The following ADGRG6 variants were observed in gnomAD, a reference collection of about 807,000 sequenced individuals.
ADGRG6 encodes adhesion G protein-coupled receptor G6.
A neutral mutation model predicts 142.4 loss-of-function variants in ADGRG6; 84 were observed. The observed-to-expected ratio is 0.59, with a 90% CI of 0.49 to 0.71. The LOEUF (loss-of-function observed/expected upper bound fraction) is 0.71. Among genes scored for constraint, ADGRG6 ranks in the 30% least tolerant of loss-of-function variants. ADGRG6 has a pLI of 0.00. For synonymous variants in ADGRG6, 521 were observed against 520.5 expected, an observed-to-expected ratio of 1.00 and a Z score of -0.01; for missense variants, 1,367 against 1,466.6, an observed-to-expected ratio of 0.93 and a Z score of 1.11.
chr6:142,426,404 G>A (rs1171160402), intron 22 of ADGRG6, among the ~76,000 whole-genome samples: 6 of 152,156 alleles, frequency 3.9e-5, no homozygotes, highest in African/African-American at 1.4e-4. Context: ...CATCTCCTTC[G>A]ACTCCATATC....
In ADGRG6 at chr6:142,369,008, C is replaced by T. The variant is rs544014317; in HGVS notation, c.445+1098C>T. ...CCTATAAACTGCCTTATATTTAAAA[C>T]GTAAACTAAAGTCCATGATTCCTTT... is the stretch of plus-strand genomic sequence containing the variant. On this transcript the variant is annotated intron_variant, in intron 3 of 24. Coordinates refer to ENST00000367609, the MANE Select transcript of ADGRG6 (RefSeq NM_198569.3). Among the ~76,000 whole-genome samples the T allele has an allele frequency of 1.4e-4, 21 of 152,156 alleles. No individual in the cohort carries two copies. The South Asian group carries it at 2.9e-3, about 21-fold the overall frequency.
chr6:142,397,827 G>C, intron 10 of ADGRG6, 72 bp downstream of exon 10: 2 of 974,368 alleles, frequency 2.1e-6, no homozygotes, highest in Non-Finnish European at 2.9e-6. Context: ...AACAACAGCA[G>C]AAATTTTCTT....
At chr6:142,399,275 G>C (rs1033057816) in intron 10 of ADGRG6, among the ~76,000 whole-genome samples, 1 of 152,172 alleles carries the variant, frequency 6.6e-6, no homozygotes, top group Non-Finnish European at 1.5e-5. Context: ...CTCCACTTCT[G>C]TGAGGAGCCA....
At chr6:142,306,738 T>G (rs895806962) in intron 1 of ADGRG6, among the ~76,000 whole-genome samples, 9 of 152,160 alleles carry the variant, frequency 5.9e-5, no homozygotes, top group Non-Finnish European at 1.5e-5. Flanking sequence ...GTAACCCTGT[T>G]CAGGATTTTC....
intron 22 of ADGRG6, among the ~76,000 whole-genome samples, chr6:142,430,090 G>C (rs936886389): frequency 3.3e-5 from 5 of 152,040 alleles, no homozygotes; most frequent in Admixed American, 3.3e-4. Context: ...AAACCTGCCA[G>C]AGTATGTTAT....
rs748484928 is a variant in ADGRG6 at position 142,402,763 on chromosome 6, A to G, written c.1888A>G (p.Thr630Ala). 2.7e-5 allele frequency: 44 copies of G among 1,601,320 alleles called. No individual in the cohort carries two copies. In the East Asian group the frequency reaches 6.5e-4, roughly 24 times the overall value. Reference sequence around the variant, plus strand: ...AAACATTGATATAACACTTGGCTCAACTCTAATGAATATATTTTCTAATAT... The same window carrying G: ...AAACATTGATATAACACTTGGCTCAGCTCTAATGAATATATTTTCTAATAT... Reference protein sequence around the residue: ...EENIDITLGSTLMNIFSNILS... With the variant: ...EENIDITLGSALMNIFSNILS... The change falls in exon 13 of 25, where the codon ACT (threonine) becomes GCT (alanine). Residue 630 changes from threonine (T) to alanine (A), a missense_variant. Around this residue, in one of 3 missense-constraint regions of ADGRG6, gnomAD observed 737 missense variants for 746.5 expected, o/e 0.99. Coordinates refer to ENST00000367609, the MANE Select transcript of ADGRG6 (RefSeq NM_198569.3).
intron 22 of ADGRG6, among the ~76,000 whole-genome samples, chr6:142,426,189 C>T (rs1377178939): frequency 4.6e-5 from 7 of 152,122 alleles, no homozygotes; most frequent in African/African-American, 7.2e-5. Flanking sequence ...CACAGTCCTA[C>T]GTCTCATCTG....
intron 2 of ADGRG6, among the ~76,000 whole-genome samples, chr6:142,364,489 T>A (rs1780860281): frequency 6.6e-6 from 1 of 152,184 alleles, no homozygotes; most frequent in East Asian, 1.9e-4. Context: ...TTTAAGGCAC[T>A]AATTTTGTGT....
intron 22 of ADGRG6, among the ~76,000 whole-genome samples, chr6:142,420,517 T>A (rs1278679666): frequency 6.6e-6 from 1 of 152,164 alleles, no homozygotes; most frequent in East Asian, 1.9e-4. Flanking sequence ...AGATTTACCG[T>A]TGATGGCCAG....
chr6:142,302,069 C>T lies in ADGRG6; in HGVS notation c.-261C>T. Reference sequence around the variant, plus strand: ...TCCTCAGCTTCTCGCCCTCACCCTGCCAACTTCCCTGCGAGGAGGGACCTG... The same window carrying T: ...TCCTCAGCTTCTCGCCCTCACCCTGTCAACTTCCCTGCGAGGAGGGACCTG... On this transcript the variant is annotated 5_prime_UTR_variant, in exon 1 of 25. Coordinates refer to ENST00000367609, the MANE Select transcript of ADGRG6 (RefSeq NM_198569.3). The T allele has an allele frequency of 1.9e-6, 1 of 538,390 alleles. No individual in the cohort carries two copies. Among genetic ancestry groups the T allele is most frequent in the Non-Finnish European group, 3.3e-6 (1 of 306,948 alleles). The allele number at this position is 538,390 out of a possible 1,614,324, so 33.4% of individuals were successfully genotyped here.
intron 2 of ADGRG6, among the ~76,000 whole-genome samples, chr6:142,355,175 T>C (rs1048709524): frequency 6.6e-6 from 1 of 152,180 alleles, no homozygotes; most frequent in South Asian, 2.1e-4. Context: ...AAACTTTGTA[T>C]TTATATTGAA....
chr6:142,310,403 G>A (rs909898130), intron 2 of ADGRG6, among the ~76,000 whole-genome samples: 4 of 151,660 alleles, frequency 2.6e-5, no homozygotes, highest in African/African-American at 9.6e-5. Flanking sequence ...CCTGGTGTAT[G>A]TATTAGGCTT....
chr6:142,315,294 T>C (rs533727303), intron 2 of ADGRG6, among the ~76,000 whole-genome samples: 97 of 152,234 alleles, frequency 6.4e-4, no homozygotes, highest in Admixed American at 1.4e-3. Context: ...TCTTTGGCAC[T>C]GTTCTTACTA....
At chr6:142,355,965 C>A (rs763520759) in intron 2 of ADGRG6, among the ~76,000 whole-genome samples, 2 of 152,184 alleles carry the variant, frequency 1.3e-5, no homozygotes, top group Non-Finnish European at 2.9e-5. Flanking sequence ...CCCCCTGGGG[C>A]ATAGGTAAAG....
At chr6:142,389,710 G>A (rs908543530) in intron 6 of ADGRG6, among the ~76,000 whole-genome samples, 36 of 151,742 alleles carry the variant, frequency 2.4e-4, no homozygotes, top group Non-Finnish European at 1.9e-4. Context: ...TTGATGAAAA[G>A]TCTGGTGAAA....
intron 2 of ADGRG6, among the ~76,000 whole-genome samples, chr6:142,311,242 C>T (rs773864416): frequency 1.3e-5 from 2 of 152,040 alleles, no homozygotes; most frequent in African/African-American, 2.4e-5. Context: ...CTCTCTCACA[C>T]AAGATTTTCT....
intron 4 of ADGRG6, among the ~76,000 whole-genome samples, chr6:142,374,883 T>C (rs1411642051): frequency 6.6e-6 from 1 of 152,264 alleles, no homozygotes; most frequent in Non-Finnish European, 1.5e-5. Flanking sequence ...TTAACTTTCA[T>C]TGTTATCTCA....
rs749400993 is a variant in ADGRG6, at chr6:142,415,956, A to G, written c.2830A>G (p.Thr944Ala). 28 of 1,613,382 alleles carry G rather than the reference A, an allele frequency of 1.7e-5. No individual in the cohort carries two copies. Among genetic ancestry groups the G allele is most frequent in the Non-Finnish European group, 4.2e-6 (5 of 1,179,598 alleles). ...AVLLHFFLLA[T>A]FTWMGLEAIH... Reference sequence around the variant, plus strand: ...CCTGTTGCATTTCTTCCTTCTGGCAACCTTTACCTGGATGGGGCTAGAAGC... The same window carrying G: ...CCTGTTGCATTTCTTCCTTCTGGCAGCCTTTACCTGGATGGGGCTAGAAGC... Residue 944 changes from threonine (T) to alanine (A), a missense_variant, in exon 20 of 25, where the codon ACC becomes GCC. By Grantham distance (58) the Thr-to-Ala change is moderately conservative. Coordinates refer to ENST00000367609, the MANE Select transcript of ADGRG6 (RefSeq NM_198569.3).
intron 2 of ADGRG6, among the ~76,000 whole-genome samples, chr6:142,314,996 G>GTA (rs1652859192): frequency 6.6e-6 from 1 of 151,742 alleles, no homozygotes; most frequent in African/African-American, 2.4e-5. Context: ...GTGTGTGTGT[G>GTA]TGTGTGTGTT....
Sources: gnomAD v4.1 joint callset for allele counts (sites outside exome capture counted in the v4.1 genomes callset) on GRCh38, gnomAD v4.1.1 for gene constraint, gnomAD v4.1.1 regional missense constraint, MANE v1.5 for transcripts, NCBI Gene and HGNC (gene_info 2026-07-23, HGNC 2026-07-21) for gene names.